Variants in RTL9 observed in about 807,000 individuals in gnomAD.
RTL9 encodes retrotransposon Gag-like protein 9.
Under a neutral mutation model 44.7 loss-of-function variants are expected in RTL9, and 19 were observed. The observed-to-expected ratio is 0.42, with a 90% CI of 0.30 to 0.62. The LOEUF (loss-of-function observed/expected upper bound fraction) is 0.62, where lower values mean the gene tolerates loss of function less well. Among genes scored for constraint, RTL9 ranks in the 20% least tolerant of loss-of-function variants. The pLI, the probability that RTL9 is intolerant of heterozygous loss-of-function variation, is 0.16. For missense variants in RTL9, 1,105 were observed against 1,080.6 expected (o/e 1.02, Z -0.32); for synonymous variants, 407 against 398.9 (o/e 1.02, Z -0.24).
At chrX:110,377,841 C>T (rs1476526420) in intron 1 of RTL9, among the ~76,000 whole-genome samples, 2 of 107,967 alleles carry the variant, frequency 1.9e-5, no homozygotes, top group African/African-American at 6.8e-5. Flanking sequence ...AACCCCGTCT[C>T]TACTAAAAAT....
chrX:110,378,567 C>A (rs1426679190), intron 1 of RTL9, among the ~76,000 whole-genome samples: 1 of 112,313 alleles, frequency 8.9e-6, no homozygotes, highest in Non-Finnish European at 1.9e-5. Context: ...TTTCTAGCTT[C>A]TTTCCCATTA....
chrX:110,444,858 G>A (rs949823017), intron 1 of RTL9, among the ~76,000 whole-genome samples: 2 of 112,155 alleles, frequency 1.8e-5, no homozygotes, highest in Non-Finnish European at 3.8e-5. Context: ...TGGAGTTTAC[G>A]GTATACTGGT....
At chrX:110,453,052 C>A in exon 1 of RTL9, 1 of 1,210,487 alleles carries the variant, frequency 8.3e-7, no homozygotes, top group Non-Finnish European at 1.1e-6. Flanking sequence ...CCTCTGAGAT[C>A]CCCAGCTTAT....
Position 110,451,089 on chromosome X carries a change from G to A in RTL9, c.472G>A (p.Ala158Thr), listed in dbSNP as rs766554792. Residue 158 changes from alanine to threonine, a missense_variant, in exon 1 of 2, where the codon GCA (alanine) becomes ACA (threonine). Ala to Thr is a moderately conservative substitution (Grantham distance 58). Transcript: ENST00000540313. ...AACGATGTCCGCAACGCTAATGGTA[G>A]CACCAGATTCTGCAGAGATATCACC... The A allele has an allele frequency of 2.1e-5, 25 of 1,210,750 alleles. No individual in the cohort carries two copies. Among genetic ancestry groups the A allele is most frequent in the Non-Finnish European group, 2.7e-5 (24 of 895,361 alleles).
Position 110,385,527 on chromosome X carries a change from C to T in RTL9, c.-168+26611C>T, listed in dbSNP as rs1256678069. 1.4e-4 allele frequency among the ~76,000 whole-genome samples: 16 copies of T among 111,514 alleles called. No homozygotes were observed. In the Admixed American group the frequency reaches 1.5e-3, roughly 11 times the overall value. On this transcript the variant is annotated intron_variant, in intron 1 of 2. Coordinates refer to the RTL9 transcript ENST00000520821. The stretch of plus-strand genomic sequence containing the variant: ...TTTCCATCCCTGAAGCTCCCTCTCC[C>T]CCTTCCCAGCTCCAGGTAATCACTA...
chrX:110,384,615 T>G (rs1409554948), intron 1 of RTL9, among the ~76,000 whole-genome samples: 1 of 111,325 alleles, frequency 9.0e-6, no homozygotes, highest in Non-Finnish European at 1.9e-5. Flanking sequence ...AGATACTCTA[T>G]TTGTTCCTAA....
In RTL9 at chrX:110,367,214, T is replaced by A. The variant is rs765449265; in HGVS notation, c.-168+8298T>A. ...TTCTTTCATTGAACAACATCTTCAA[T>A]GTTTAAAAAATCTGTTCTCTTCACC... On this transcript the variant is annotated intron_variant, in intron 1 of 2. Coordinates refer to the RTL9 transcript ENST00000520821. 4.5e-5 allele frequency among the ~76,000 whole-genome samples: 5 copies of A among 112,195 alleles called. No individual in the cohort carries two copies. The East Asian group carries it at 1.4e-3, about 31-fold the overall frequency.
intron 1 of RTL9, among the ~76,000 whole-genome samples, chrX:110,394,729 C>A (rs983805805): frequency 8.9e-6 from 1 of 112,737 alleles, no homozygotes; most frequent in East Asian, 2.8e-4. Flanking sequence ...TTTGCACATG[C>A]ATCTGCTCCT....
At chrX:110,450,897 G>A in exon 1 of RTL9, 1 of 1,211,824 alleles carries the variant, frequency 8.3e-7, no homozygotes, top group East Asian at 3.0e-5. Context: ...CCTAATGCCA[G>A]CCTCAGACTC....
chrX:110,384,175 C>A (rs1400202546), intron 1 of RTL9, among the ~76,000 whole-genome samples: 1 of 111,340 alleles, frequency 9.0e-6, no homozygotes, highest in Non-Finnish European at 1.9e-5. Flanking sequence ...GTCTTCCAAG[C>A]TGGTTTATAG....
intron 1 of RTL9, among the ~76,000 whole-genome samples, chrX:110,378,466 T>C (rs2068394670): frequency 8.9e-6 from 1 of 111,845 alleles, no homozygotes. Context: ...CAAAAGATCC[T>C]TGAAGTTTCC....
intron 1 of RTL9, among the ~76,000 whole-genome samples, chrX:110,387,228 T>G (rs970222442): frequency 6.2e-5 from 7 of 112,241 alleles, no homozygotes; most frequent in African/African-American, 2.3e-4. Flanking sequence ...ATCCCCACAG[T>G]CCCACCTTTC....
intron 1 of RTL9, among the ~76,000 whole-genome samples, chrX:110,388,081 A>T (rs750496301): frequency 9.1e-6 from 1 of 109,985 alleles, no homozygotes; most frequent in Non-Finnish European, 1.9e-5. Flanking sequence ...GTTAGCCAGG[A>T]TGGTCTCGAT....
chrX:110,424,236 C>T (rs1225968365), intron 1 of RTL9, among the ~76,000 whole-genome samples: 1 of 111,615 alleles, frequency 9.0e-6, no homozygotes, highest in Non-Finnish European at 1.9e-5. Flanking sequence ...CATTGTGGGC[C>T]CGTCACAGCT....
chrX:110,444,963 C>T (rs2068900940), intron 1 of RTL9, among the ~76,000 whole-genome samples, 190 bp from the exon 2 acceptor site: 1 of 112,451 alleles, frequency 8.9e-6, no homozygotes, highest in Non-Finnish European at 1.9e-5. Flanking sequence ...TCCTTCAGAC[C>T]GGCACCTAAT....
chrX:110,359,569 A>G lies in RTL9; in HGVS notation c.-168+653A>G, dbSNP rs2068249273. On this transcript the variant is annotated intron_variant, in intron 1 of 2. Coordinates refer to the RTL9 transcript ENST00000520821. ...AGTGCACTAGAATCCAGATTCTCTG[A>G]TTCTGAATCTAATGTTCTTGTCCAT... Among the ~76,000 whole-genome samples, 2 of 111,767 alleles carry G rather than the reference A, an allele frequency of 1.8e-5. 1 individual carries two copies. The highest frequency in any genetic ancestry group is 3.8e-5 in the Non-Finnish European group (2 of 53,131).
At chrX:110,439,450 C>T (rs1168821625) in intron 1 of RTL9, among the ~76,000 whole-genome samples, 5 of 112,098 alleles carry the variant, frequency 4.5e-5, no homozygotes, top group African/African-American at 9.7e-5. Flanking sequence ...TATACCCTAC[C>T]GCTTAAAACA....
At chrX:110,398,232 C>T (rs1354359021) in intron 1 of RTL9, among the ~76,000 whole-genome samples, 6 of 112,099 alleles carry the variant, frequency 5.4e-5, no homozygotes, top group African/African-American at 1.9e-4. Context: ...GCAGGTGAAC[C>T]CGCTGGCACC....
upstream of RTL9, among the ~76,000 whole-genome samples, chrX:110,414,060 G>T (rs1043834606): frequency 9.0e-6 from 1 of 111,672 alleles, no homozygotes; most frequent in Non-Finnish European, 1.9e-5. Context: ...AGAATCTTGC[G>T]TATATCCCCA....
Sources: gnomAD v4.1 joint callset for allele counts (sites outside exome capture counted in the v4.1 genomes callset) on GRCh38, gnomAD v4.1.1 for gene constraint, MANE v1.5 for transcripts, NCBI Gene and HGNC (gene_info 2026-07-23, HGNC 2026-07-21) for gene names.